COL6A3: variants seen among roughly 807,000 people sequenced by gnomAD.
The protein encoded by COL6A3 is collagen type VI alpha 3 chain.
Under a neutral mutation model 274.1 loss-of-function variants are expected in COL6A3, and 137 were observed. That is an observed-to-expected ratio of 0.50 (90% CI 0.44 to 0.58). The LOEUF (loss-of-function observed/expected upper bound fraction) is 0.58, where lower values mean the gene tolerates loss of function less well. COL6A3 is among the 20% of genes least tolerant of loss of function. The pLI is 0.00. For synonymous variants in COL6A3, 1,650 were observed against 1,650.6 expected (o/e 1.00, Z 0.01); for missense variants, 3,950 against 4,124.9 (o/e 0.96, Z 1.16).
intron 14 of COL6A3, among the ~76,000 whole-genome samples, chr2:237,362,478 C>T (rs1221616465): frequency 2.0e-5 from 3 of 152,212 alleles, no homozygotes; most frequent in Non-Finnish European, 4.4e-5. Flanking sequence ...TAATGGTGGG[C>T]ACATGCACTT....
Position 237,378,914 on chromosome 2 carries a change from C to A in COL6A3, c.2219G>T (p.Arg740Leu). ...AAGCAGGAGCTGCGGCACGTGTTCA[C>A]GGATCCTGCTGCCGCCAGCTTCCGT... ...HFTEAGGSRI[R>L]EHVPQLLLLL... The change falls in exon 6 of 44, where the codon CGT becomes CTT. Residue 740 changes from arginine to leucine, a missense_variant. Arg to Leu is a moderately radical substitution (Grantham distance 102). Transcript: ENST00000295550. 6.2e-7 allele frequency: 1 copy of A among 1,614,212 alleles called. No individual in the cohort carries two copies. The highest frequency in any genetic ancestry group is 1.1e-5 in the South Asian group (1 of 91,072).
Position 237,353,403 on chromosome 2 carries a change from C to T in COL6A3, c.6628G>A (p.Gly2210Ser). ...FGRRGPPGAK[G>S]NKGGPGQPGF... Reference sequence around the variant, plus strand: ...GGCTGGCCAGGACCGCCCTTGTTGCCCTTTGAAATAAGAGAAGATGCAGGG... The same window carrying T: ...GGCTGGCCAGGACCGCCCTTGTTGCTCTTTGAAATAAGAGAAGATGCAGGG... Residue 2210 changes from glycine to serine, a missense_variant and splice_region_variant, in exon 25 of 44, where the codon GGC (glycine) becomes AGC (serine). This residue lies in a region of COL6A3 where 1,284 missense variants were observed against 1,349.7 expected (regional missense o/e 0.95). Transcript: ENST00000295550. 6.2e-7 allele frequency: 1 copy of T among 1,613,962 alleles called. No individual in the cohort carries two copies. Among genetic ancestry groups the T allele is most frequent in the Non-Finnish European group, 8.5e-7 (1 of 1,179,936 alleles).
intron 11 of COL6A3, 35 bp downstream of exon 11, chr2:237,366,652 G>T: frequency 6.2e-7 from 1 of 1,614,170 alleles, no homozygotes; most frequent in Non-Finnish European, 8.5e-7. Context: ...ATGTCAACAG[G>T]AAAGGATGGA....
chr2:237,397,481 G>C (rs1447879666), intron 1 of COL6A3, among the ~76,000 whole-genome samples: 1 of 136,262 alleles, frequency 7.3e-6, no homozygotes, highest in African/African-American at 2.6e-5. Context: ...GGGAGGGAGG[G>C]AGAGAGGGAA....
At chr2:237,337,761 G>A (rs1314518649) in intron 39 of COL6A3, among the ~76,000 whole-genome samples, 3 of 152,108 alleles carry the variant, frequency 2.0e-5, no homozygotes, top group Non-Finnish European at 2.9e-5. Flanking sequence ...TCTGTTACAT[G>A]CCCCCACTGC....
At position 237,376,962 on chromosome 2, in the gene COL6A3, T is replaced by C. The variant is rs1410872548; in HGVS notation, c.2880A>G (p.Ala960=). ...CAACCCCACTCTGCTTCAGGTTACT[T>C]GCTGGCCCATCCACACGGTCAGATG... is the stretch of plus-strand genomic sequence containing the variant. ...GRSSDRVDGP[A]SNLKQSGVVP... is the part of the protein sequence containing the mutation. The change falls in exon 7 of 44, where the codon GCA becomes GCG. Residue 960 remains alanine (A), a synonymous_variant. Coordinates refer to ENST00000295550, the MANE Select transcript of COL6A3 (RefSeq NM_004369.4). The C allele has an allele frequency of 6.2e-7, 1 of 1,614,130 alleles. No individual in the cohort carries two copies. The highest frequency in any genetic ancestry group is 8.5e-7 in the Non-Finnish European group (1 of 1,180,058).
intron 28 of COL6A3, among the ~76,000 whole-genome samples, chr2:237,349,719 C>T (rs1327747630): frequency 6.6e-6 from 1 of 152,158 alleles, no homozygotes; most frequent in African/African-American, 2.4e-5. Flanking sequence ...ATTTCTATTC[C>T]TAAGATGTCT....
chr2:237,344,900 G>A lies in COL6A3; in HGVS notation c.7174+41C>T, dbSNP rs539734290. The A allele has an allele frequency of 6.2e-6, 10 of 1,614,072 alleles. No homozygotes were observed. The South Asian group carries it at 9.9e-5, about 16-fold the overall frequency. On this transcript the variant is annotated intron_variant, in intron 35 of 43. Transcript: ENST00000295550. The surrounding 1 kb of genome is among the most constrained non-coding windows in gnomAD (Gnocchi z 4.8). Reference sequence around the variant, plus strand: ...CAAACTGTACTTACTACAAAAGGGAGGCTTCCTTTCCTTAGGAGAAAGTCA... The same window carrying A: ...CAAACTGTACTTACTACAAAAGGGAAGCTTCCTTTCCTTAGGAGAAAGTCA...
At position 237,371,701 on chromosome 2, in the gene COL6A3, C is replaced by T. The variant is rs1339043276; in HGVS notation, c.4285+31G>A. ...TGTTATTTTTCATATGGAAAATGCT[C>T]CAAGGAGAACCTCCGACGCCCCCAT... On this transcript the variant is annotated intron_variant, in intron 9 of 43. Transcript: ENST00000295550. The surrounding 1 kb of genome is among the most constrained non-coding windows in gnomAD (Gnocchi z 4.3). 6.4e-7 allele frequency: 1 copy of T among 1,552,612 alleles called. No homozygotes were observed. Among genetic ancestry groups the T allele is most frequent in the Non-Finnish European group, 8.7e-7 (1 of 1,151,492 alleles).
chr2:237,350,761 G>A (rs1320363016), intron 27 of COL6A3, among the ~76,000 whole-genome samples: 4 of 152,182 alleles, frequency 2.6e-5, no homozygotes, highest in East Asian at 1.9e-4. Flanking sequence ...AAGACTGCTC[G>A]TTCCATATTA....
chr2:237,369,210 A>G (rs747475280), intron 9 of COL6A3, 33 bp from the exon 10 acceptor site: 2 of 1,601,620 alleles, frequency 1.2e-6, no homozygotes, highest in Middle Eastern at 1.7e-4. Context: ...GGAAACATTC[A>G]GTGTGTAAGT....
rs1388498880 is a variant in COL6A3 at position 237,364,792 on chromosome 2, ATTGTGTGTGCATGTGTGTGCAC to A, written c.5839-386_5839-365del. 6.8e-6 allele frequency among the ~76,000 whole-genome samples: 1 copy of A among 146,294 alleles called. No homozygotes were observed. The highest frequency in any genetic ancestry group is 6.9e-5 in the Admixed American group (1 of 14,568). On this transcript the variant is annotated intron_variant, in intron 12 of 43. Transcript: ENST00000295550. This position sits in a 1 kb window ranked among gnomAD's most constrained non-coding sequence, Gnocchi z 4.6. ...GGTACATATGTGTGTGTATGGGTGC[ATTGTGTGTGCATGTGTGTGCAC>A]GTGTGTGTGCATGTGTGGGTGTGTG... is the stretch of plus-strand genomic sequence containing the variant.
At chr2:237,388,589 T>A (rs1442792344) in intron 3 of COL6A3, among the ~76,000 whole-genome samples, 1 of 152,154 alleles carries the variant, frequency 6.6e-6, no homozygotes, top group Non-Finnish European at 1.5e-5. Context: ...TTACCAAAAC[T>A]TTAGAGATGA....
At position 237,324,447 on chromosome 2, in the gene COL6A3, C is replaced by G; in HGVS notation, c.*327G>C. Reference sequence around the variant, plus strand: ...CATTTGCATTATTTTCTAGACTTTACATTTGCCTGCAACAGGCATAACATG... The same window carrying G: ...CATTTGCATTATTTTCTAGACTTTAGATTTGCCTGCAACAGGCATAACATG... On this transcript the variant is annotated 3_prime_UTR_variant, in exon 44 of 44. Transcript: ENST00000295550. The G allele has an allele frequency of 3.2e-6, 1 of 309,082 alleles. No homozygotes were observed. Among genetic ancestry groups the G allele is most frequent in the Non-Finnish European group, 6.2e-6 (1 of 161,994 alleles). 19.1% of individuals were successfully genotyped at this position (309,082 alleles called of 1,614,324 possible). A position where few individuals can be genotyped will look rare whatever the true frequency, so the allele number is the denominator to read the frequency against.
intron 9 of COL6A3, among the ~76,000 whole-genome samples, chr2:237,369,633 A>G (rs940109226): frequency 6.6e-6 from 1 of 152,214 alleles, no homozygotes; most frequent in Non-Finnish European, 1.5e-5. Context: ...TTAGCAAGTG[A>G]GACCCCTGAG....
intron 42 of COL6A3, chr2:237,326,666 G>T (rs1699960406): frequency 6.6e-6 from 1 of 152,170 alleles, no homozygotes; most frequent in Admixed American, 6.5e-5. Flanking sequence ...AATTCTGCAT[G>T]TTCCTGTGAG....
At chr2:237,357,753 C>A in intron 22 of COL6A3, 64 bp downstream of exon 22, 1 of 1,536,118 alleles carries the variant, frequency 6.5e-7, no homozygotes, top group Middle Eastern at 1.8e-4. Flanking sequence ...GCTGATGAGC[C>A]GAGAAGTGTG....
At position 237,341,543 on chromosome 2, in the gene COL6A3, T is replaced by TAAAA. The variant is rs71039760; in HGVS notation, c.7766-397_7766-394dup. 1.5e-3 allele frequency among the ~76,000 whole-genome samples: 76 copies of TAAAA among 49,120 alleles called. 3 individuals carry two copies. Among genetic ancestry groups the TAAAA allele is most frequent in the African/African-American group, 6.2e-3 (69 of 11,110 alleles). The allele number at this position is 49,120 out of a possible 152,430, so 32.2% of individuals were successfully genotyped here. ...TGGGCAACAAGAGCAAGACTCTGTC[T>TAAAA]AAAAAAAAAAAAAAAAAAAAAAAAA... On this transcript the variant is annotated intron_variant, in intron 37 of 43. Transcript: ENST00000295550.
chr2:237,396,049 G>C (rs1221853978), intron 2 of COL6A3, among the ~76,000 whole-genome samples: 1 of 152,176 alleles, frequency 6.6e-6, no homozygotes, highest in African/African-American at 2.4e-5. Flanking sequence ...AGTGACACTA[G>C]ACTTCCCTCC....
Sources: gnomAD v4.1 joint callset for allele counts (sites outside exome capture counted in the v4.1 genomes callset) on GRCh38, gnomAD v4.1.1 for gene constraint, gnomAD v4.1.1 regional missense constraint, Gnocchi (gnomAD v3.1) non-coding constraint, MANE v1.5 for transcripts, NCBI Gene and HGNC (gene_info 2026-07-23, HGNC 2026-07-21) for gene names.